Variants in KLC4 observed in about 807,000 individuals in gnomAD.
KLC4 encodes the protein kinesin light chain 4, also known as kinesin-like protein 8.
A neutral mutation model predicts 77.2 loss-of-function variants in KLC4; 49 were observed. That is an observed-to-expected ratio of 0.63 (90% CI 0.50 to 0.80). The LOEUF (loss-of-function observed/expected upper bound fraction) is 0.80, where lower values mean the gene tolerates loss of function less well. KLC4 is among the 30% of genes least tolerant of loss of function. KLC4 has a pLI of 0.00. For missense variants in KLC4, 669 were observed against 793.5 expected (o/e 0.84, Z 1.89); for synonymous variants, 274 against 314.5 (o/e 0.87, Z 1.36).
In KLC4 at chr6:43,070,238, T is replaced by G. The variant is rs193174007; in HGVS notation, c.880-116T>G. 4.5e-5 allele frequency: 30 copies of G among 670,010 alleles called. No homozygotes were observed. The East Asian group carries it at 7.8e-4, about 17-fold the overall frequency. The allele number at this position is 670,010 out of a possible 1,614,324, so 41.5% of individuals were successfully genotyped here. A position where few individuals can be genotyped will look rare whatever the true frequency, so the allele number is the denominator to read the frequency against. ...AGCCCCTGGCTCCAGGGTAGTAGACTTTGTCTCTTAGAGTTGTGCAGTGAG... is the reference window on the plus strand; with the variant it reads ...AGCCCCTGGCTCCAGGGTAGTAGACGTTGTCTCTTAGAGTTGTGCAGTGAG... On this transcript the variant is annotated intron_variant, in intron 6 of 15. Coordinates refer to ENST00000347162, the MANE Select transcript of KLC4 (RefSeq NM_201521.3).
chr6:43,067,405 G>A (rs1000539582), intron 6 of KLC4: 3 of 405,702 alleles, frequency 7.4e-6, no homozygotes, highest in South Asian at 1.5e-4. Context: ...AAAGTAATTT[G>A]TAAGGACAAT....
intron 6 of KLC4, among the ~76,000 whole-genome samples, chr6:43,068,111 C>CAAAA (rs763158428): frequency 7.9e-4 from 20 of 25,218 alleles, no homozygotes; most frequent in East Asian, 1.3e-3. Context: ...GACTCCGTCT[C>CAAAA]AAAAAAAAAA....
chr6:43,060,153 C>T, intron 1 of KLC4: 2 of 1,608,746 alleles, frequency 1.2e-6, no homozygotes, highest in Non-Finnish European at 1.7e-6. Flanking sequence ...TGTGGAGGCA[C>T]CCTACGGTGA....
chr6:43,062,674 A>G (rs1021603635), intron 2 of KLC4: 7 of 552,402 alleles, frequency 1.3e-5, no homozygotes, highest in African/African-American at 1.1e-4. Flanking sequence ...AAACGAGGCC[A>G]GTGAGGAAGT....
At chr6:43,071,534 C>G (rs757014995) in intron 9 of KLC4, 33 bp from the exon 10 acceptor site, 1 of 1,606,870 alleles carries the variant, frequency 6.2e-7, no homozygotes, top group Admixed American at 1.7e-5. Context: ...TAGCTCCCAT[C>G]TCTAACCTCC....
Position 43,066,346 on chromosome 6 carries a change from A to G in KLC4, c.612A>G (p.Gly204=). 6.2e-7 allele frequency: 1 copy of G among 1,614,188 alleles called. No homozygotes were observed. Among genetic ancestry groups the G allele is most frequent in the African/African-American group, 1.3e-5 (1 of 75,034 alleles). Residue 204 remains glycine (G), a synonymous_variant, in exon 5 of 16, where the codon GGA becomes GGG. Transcript: ENST00000347162. ...GTGCTACAGCAGCTCAGCAGGGTGG[A>G]TATGAGATCCCAGCAAGGTTGCGGA... The part of the protein sequence containing the change: ...GQGATAAQQG[G]YEIPARLRTL...
chr6:43,070,376 T>G lies in KLC4; in HGVS notation c.902T>G (p.Leu301Trp), dbSNP rs1765655754. ...TAGGTGGCTGCCACACTCAACAATT[T>G]GGCTGTGCTCTATGGCAAAAGGGGC... ...HPAVAATLNN[L>W]AVLYGKRGKY... Residue 301 changes from leucine to tryptophan, a missense_variant, in exon 7 of 16, where the codon TTG becomes TGG. Leu to Trp is a moderately conservative substitution (Grantham distance 61, BLOSUM62 -2). Transcript: ENST00000347162. 1.2e-6 allele frequency: 2 copies of G among 1,614,102 alleles called. No homozygotes were observed. Among genetic ancestry groups the G allele is most frequent in the African/African-American group, 1.3e-5 (1 of 75,054 alleles).
rs767852580 is a variant in KLC4, at chr6:43,072,134, T to C, written c.1380-13T>C. On this transcript the variant is annotated splice_polypyrimidine_tract_variant and intron_variant, in intron 11 of 15. Coordinates refer to ENST00000347162, the MANE Select transcript of KLC4 (RefSeq NM_201521.3). ...CATTCTCTCTTCCTTCTCTGGTCTC[T>C]TTCTCACCACAGCCCCACAGTGAAC... 5.4e-5 allele frequency: 86 copies of C among 1,606,656 alleles called. No individual in the cohort carries two copies. The highest frequency in any genetic ancestry group is 6.7e-5 in the Non-Finnish European group (79 of 1,173,378).
Position 43,071,906 on chromosome 6 carries a change from G to A in KLC4, c.1363G>A (p.Ala455Thr). 6.2e-7 allele frequency: 1 copy of A among 1,611,074 alleles called. No individual in the cohort carries two copies. Among genetic ancestry groups the A allele is most frequent in the Non-Finnish European group, 8.5e-7 (1 of 1,179,316 alleles). Reference protein sequence around the residue: ...PYAEYGGWYKACKVSSPTVNT... With the variant: ...PYAEYGGWYKTCKVSSPTVNT... ...TGCTGAGTATGGAGGCTGGTACAAGGCCTGCAAAGTGAGCAGGTGAGCTGA... is the reference window on the plus strand; with the variant it reads ...TGCTGAGTATGGAGGCTGGTACAAGACCTGCAAAGTGAGCAGGTGAGCTGA... Residue 455 changes from alanine (A) to threonine (T), a missense_variant, in exon 11 of 16, where the codon GCC (alanine) becomes ACC (threonine). Coordinates refer to ENST00000347162, the MANE Select transcript of KLC4 (RefSeq NM_201521.3).
chr6:43,063,803 C>T (rs1323209247), intron 3 of KLC4, among the ~76,000 whole-genome samples: 1 of 152,074 alleles, frequency 6.6e-6, no homozygotes, highest in Non-Finnish European at 1.5e-5. Context: ...GTCTGCCCGC[C>T]TGGGCCTCCC....
At chr6:43,064,721 A>G (rs1765328040) in intron 3 of KLC4, among the ~76,000 whole-genome samples, 1 of 152,206 alleles carries the variant, frequency 6.6e-6, no homozygotes, top group Non-Finnish European at 1.5e-5. Flanking sequence ...GGTCTGTCCC[A>G]GGGAAAGTGA....
At chr6:43,070,908 GGGCACAGAGGT>G in intron 8 of KLC4, 43 bp downstream of exon 8, 3 of 508,718 alleles carry the variant, frequency 5.9e-6, no homozygotes, top group South Asian at 2.0e-5. Context: ...ACGGAGAGGG[GGGCACAGAGGT>G]GGGGGGAGGG....
intron 4 of KLC4, 117 bp downstream of exon 4, chr6:43,065,818 G>A: frequency 2.9e-6 from 2 of 700,882 alleles, no homozygotes; most frequent in Non-Finnish European, 4.9e-6. Context: ...CACTTTCTCT[G>A]GAGACAGGGC....
rs1342797868 is a variant in KLC4, at chr6:43,062,948, C to T, written c.290C>T (p.Thr97Ile). The T allele has an allele frequency of 2.5e-6, 4 of 1,614,076 alleles. No homozygotes were observed. The East Asian group carries it at 8.9e-5, about 36-fold the overall frequency. The change falls in exon 3 of 16, where the codon ACA becomes ATA. Residue 97 changes from threonine (T) to isoleucine (I), a missense_variant. Physicochemically the swap from Thr to Ile is moderately conservative, Grantham distance 89. Coordinates refer to ENST00000347162, the MANE Select transcript of KLC4 (RefSeq NM_201521.3). ...CTGGCTCTAGCCAGCCACCTGAGCA[C>T]AGTGGAGTCGGAGAAACAGAAGCTG... ...VMLALASHLS[T>I]VESEKQKLRA...
At chr6:43,063,534 T>C (rs1052610554) in intron 3 of KLC4, among the ~76,000 whole-genome samples, 3 of 151,626 alleles carry the variant, frequency 2.0e-5, no homozygotes, top group African/African-American at 7.3e-5. Flanking sequence ...CCTCCTAAAA[T>C]TTGCTTTCAA....
chr6:43,070,950 T>C (rs556867710), intron 8 of KLC4, 85 bp downstream of exon 8: 14 of 1,164,486 alleles, frequency 1.2e-5, no homozygotes, highest in Middle Eastern at 2.9e-4. Flanking sequence ...GAGAGGCCAC[T>C]TGGGTCCTAG....
rs758538013 is a variant in KLC4, at chr6:43,063,076, C to T, written c.418C>T (p.Leu140=). The part of the protein sequence containing the change: ...LQRSEQAVAQ[L]EEEKKHLEFL... ...GCGCAGTGAACAGGCTGTGGCTCAG[C>T]TGGAGGAGGAAAAGAAGCACCTGGA... The change falls in exon 3 of 16, where the codon CTG becomes TTG. Residue 140 remains leucine (L), a synonymous_variant. Transcript: ENST00000347162. 1 of 1,614,114 alleles carries T rather than the reference C, an allele frequency of 6.2e-7. No individual in the cohort carries two copies. Among genetic ancestry groups the T allele is most frequent in the African/African-American group, 1.3e-5 (1 of 74,942 alleles).
chr6:43,071,008 C>T lies in KLC4; in HGVS notation c.1155+143C>T. The T allele has an allele frequency of 1.5e-5, 12 of 816,850 alleles. No individual in the cohort carries two copies. In the South Asian group the frequency reaches 2.2e-4, roughly 15 times the overall value. The allele number at this position is 816,850 out of a possible 1,614,324, so 50.6% of individuals were successfully genotyped here. A position where few individuals can be genotyped will look rare whatever the true frequency, so the allele number is the denominator to read the frequency against. ...GCACACTGCTCTCATCAACTTTGTG[C>T]TCATGTCTGGGGCTGCCTTTGCGGA... On this transcript the variant is annotated intron_variant, in intron 8 of 15. Coordinates refer to ENST00000347162, the MANE Select transcript of KLC4 (RefSeq NM_201521.3).
At chr6:43,066,220 TG>T in intron 4 of KLC4, 85 bp from the exon 5 acceptor site, 1 of 1,155,690 alleles carries the variant, frequency 8.7e-7, no homozygotes, top group Non-Finnish European at 1.3e-6. Flanking sequence ...GGCACAAGTA[TG>T]GAACAAGACA....
Sources: gnomAD v4.1 joint callset for allele counts (sites outside exome capture counted in the v4.1 genomes callset) on GRCh38, gnomAD v4.1.1 for gene constraint, MANE v1.5 for transcripts, NCBI Gene and HGNC (gene_info 2026-07-23, HGNC 2026-07-21) for gene names.